TLL2: variants seen among roughly 807,000 people sequenced by gnomAD.
TLL2 encodes the protein tolloid-like protein 2.
Under a neutral mutation model 123.0 loss-of-function variants are expected in TLL2, and 106 were observed. That is an observed-to-expected ratio of 0.86 (90% confidence interval 0.74 to 1.01). The LOEUF is 1.01. Ranked by LOEUF, TLL2 falls within the 50% of genes least tolerant of loss-of-function variation. TLL2 has a pLI of 0.00. For synonymous variants in TLL2, 494 were observed against 516.8 expected, an observed-to-expected ratio of 0.96 and a Z score of 0.60; for missense variants, 1,332 against 1,336.7, an observed-to-expected ratio of 1.00 and a Z score of 0.06.
chr10:96,461,446 A>G (rs1385472348), intron 2 of TLL2, among the ~76,000 whole-genome samples: 1 of 152,152 alleles, frequency 6.6e-6, no homozygotes, highest in Non-Finnish European at 1.5e-5. Context: ...CAGCCTACAG[A>G]GGGGAGGCAC....
At chr10:96,438,608 C>G (rs138211189) in intron 3 of TLL2, among the ~76,000 whole-genome samples, 174 of 152,222 alleles carry the variant, frequency 1.1e-3, no homozygotes, top group Non-Finnish European at 1.8e-3. Flanking sequence ...CAAACAGGGA[C>G]AGTTTTATTT....
intron 8 of TLL2, among the ~76,000 whole-genome samples, chr10:96,411,569 T>C (rs1224629651): frequency 1.3e-5 from 2 of 152,320 alleles, no homozygotes; most frequent in Non-Finnish European, 2.9e-5. Flanking sequence ...AGGGTACCTG[T>C]ATGAATCCTT....
At chr10:96,473,420 G>C (rs952499844) in intron 2 of TLL2, among the ~76,000 whole-genome samples, 1 of 152,134 alleles carries the variant, frequency 6.6e-6, no homozygotes, top group African/African-American at 2.4e-5. Context: ...AACAGAGAGA[G>C]ACTCTGTCTC....
At chr10:96,413,795 C>T (rs1846530017) in intron 7 of TLL2, among the ~76,000 whole-genome samples, 2 of 152,062 alleles carry the variant, frequency 1.3e-5, no homozygotes, top group African/African-American at 4.8e-5. Context: ...AATTGGTGGT[C>T]CCAGTTTGGA....
At chr10:96,415,739 GTCTC>G (rs142401265) in intron 7 of TLL2, among the ~76,000 whole-genome samples, 28 of 28,050 alleles carry the variant, frequency 1.0e-3, no homozygotes, top group South Asian at 2.8e-3. Context: ...GTCTCTCTCT[GTCTC>G]TCTCTCTCTC....
chr10:96,501,308 G>A (rs893105636), intron 1 of TLL2, among the ~76,000 whole-genome samples: 22 of 152,110 alleles, frequency 1.4e-4, no homozygotes, highest in African/African-American at 4.8e-4. Context: ...TTTCAACCAC[G>A]ACCTTGGGGT....
At chr10:96,464,953 C>T (rs1847114125) in intron 2 of TLL2, among the ~76,000 whole-genome samples, 1 of 152,230 alleles carries the variant, frequency 6.6e-6, no homozygotes, top group East Asian at 1.9e-4. Flanking sequence ...AGGATTTTAT[C>T]ACATGGTCTT....
chr10:96,513,432 G>C (rs1271106700), intron 1 of TLL2, 79 bp downstream of exon 1: 18 of 1,574,296 alleles, frequency 1.1e-5, no homozygotes, highest in East Asian at 6.8e-5. Context: ...CCCCATAGAC[G>C]GTAGTGCAGG....
chr10:96,430,543 A>G (rs943890404), intron 4 of TLL2, among the ~76,000 whole-genome samples: 5 of 152,216 alleles, frequency 3.3e-5, no homozygotes, highest in African/African-American at 4.8e-5. Flanking sequence ...GGATGTGGGG[A>G]TGGTATCATA....
intron 13 of TLL2, among the ~76,000 whole-genome samples, chr10:96,387,974 G>GAC (rs2134059020): frequency 6.6e-6 from 1 of 152,320 alleles, no homozygotes; most frequent in South Asian, 2.1e-4. Flanking sequence ...AGCGAGAAAG[G>GAC]AGTCTAGTGA....
chr10:96,509,902 A>G (rs1045324663), intron 1 of TLL2, among the ~76,000 whole-genome samples: 1 of 152,292 alleles, frequency 6.6e-6, no homozygotes, highest in Non-Finnish European at 1.5e-5. Flanking sequence ...AGCCGAGATC[A>G]GGCCACTGCA....
intron 5 of TLL2, among the ~76,000 whole-genome samples, chr10:96,424,764 T>G (rs1244585966): frequency 7.5e-6 from 1 of 133,576 alleles, no homozygotes; most frequent in East Asian, 2.1e-4. Flanking sequence ...TTTGTTTTTA[T>G]GTATTGTTTT....
Position 96,420,956 on chromosome 10 carries a change from C to A in TLL2, c.923G>T (p.Arg308Ile). ...IMHYARNTFS[R>I]GVFLDTILPR... Reference sequence around the variant, plus strand: ...ACGAGGCATAAGCATAGATTCCGACCTTGAGAAGGTGTTCCGGGCGTAGTG... The same window carrying A: ...ACGAGGCATAAGCATAGATTCCGACATTGAGAAGGTGTTCCGGGCGTAGTG... Residue 308 changes from arginine to isoleucine, a missense_variant and splice_region_variant, in exon 7 of 21, where the codon AGA becomes ATA. Coordinates refer to ENST00000357947, the MANE Select transcript of TLL2 (RefSeq NM_012465.4). 6.2e-7 allele frequency: 1 copy of A among 1,614,010 alleles called. No homozygotes were observed. The highest frequency in any genetic ancestry group is 8.5e-7 in the Non-Finnish European group (1 of 1,179,900).
chr10:96,432,838 G>T lies in TLL2; in HGVS notation c.489C>A (p.Val163=). 6.2e-7 allele frequency: 1 copy of T among 1,614,112 alleles called. No homozygotes were observed. Among genetic ancestry groups the T allele is most frequent in the Non-Finnish European group, 8.5e-7 (1 of 1,180,004 alleles). ...SRTERIWPGG[V]IPYVIGGNFT... The stretch of plus-strand genomic sequence containing the variant: ...AGTTCCCTCCAATGACGTAGGGGAT[G>T]ACTCCTCCAGGCCATATCCTCTCTG... Residue 163 remains valine, a synonymous_variant, in exon 4 of 21, where the codon GTC becomes GTA. Transcript: ENST00000357947.
chr10:96,493,355 G>A (rs984091522), intron 1 of TLL2, among the ~76,000 whole-genome samples: 8 of 152,238 alleles, frequency 5.3e-5, no homozygotes, highest in African/African-American at 1.9e-4. Context: ...GGATGAGTGG[G>A]AGGATGATGA....
At chr10:96,436,922 G>A (rs1468792061) in intron 3 of TLL2, among the ~76,000 whole-genome samples, 1 of 152,146 alleles carries the variant, frequency 6.6e-6, no homozygotes, top group African/African-American at 2.4e-5. Context: ...CTGAGCTAAA[G>A]CGATCTGCCC....
At chr10:96,426,623 A>C (rs139623555) in intron 5 of TLL2, among the ~76,000 whole-genome samples, 167 of 152,270 alleles carry the variant, frequency 1.1e-3, no homozygotes, top group African/African-American at 3.7e-3. Context: ...TTTTACCTTG[A>C]AGACTTTCAC....
chr10:96,396,191 A>G (rs1225259427), intron 11 of TLL2, among the ~76,000 whole-genome samples, 171 bp from the exon 12 acceptor site: 1 of 152,004 alleles, frequency 6.6e-6, no homozygotes, highest in African/African-American at 2.4e-5. Context: ...GCACGATTGC[A>G]TTTGTCTTTA....
At chr10:96,431,617 C>T (rs573983580) in intron 4 of TLL2, among the ~76,000 whole-genome samples, 21 of 152,282 alleles carry the variant, frequency 1.4e-4, no homozygotes, top group African/African-American at 2.9e-4. Flanking sequence ...GGATGTGCCG[C>T]GCCCTGCTCT....
Sources: gnomAD v4.1 joint callset for allele counts (sites outside exome capture counted in the v4.1 genomes callset) on GRCh38, gnomAD v4.1.1 for gene constraint, MANE v1.5 for transcripts, NCBI Gene and HGNC (gene_info 2026-07-23, HGNC 2026-07-21) for gene names.